HDAC9: variants seen among roughly 807,000 people sequenced by gnomAD.
HDAC9 encodes the protein MEF-2 interacting transcription repressor (MITR) protein.
HDAC9 carries 41 observed loss-of-function variants against 139.4 expected under a neutral mutation model. That is an observed-to-expected ratio of 0.29 (90% confidence interval 0.23 to 0.38). The LOEUF (loss-of-function observed/expected upper bound fraction) is 0.38. HDAC9 is among the 10% of genes least tolerant of loss of function. HDAC9 has a pLI of 1.00. For synonymous variants in HDAC9, 517 were observed against 476.2 expected (o/e 1.09, Z -1.12); for missense variants, 1,147 against 1,297.0 (o/e 0.88, Z 1.78).
intron 2 of HDAC9, chr7:18,509,351 T>A (rs1225302405): frequency 1.0e-6 from 1 of 985,330 alleles, no homozygotes; most frequent in African/African-American, 1.7e-5. Flanking sequence ...GGGAAGACTG[T>A]CAGCTACGAT....
At chr7:18,719,253 C>G (rs1392712907) in intron 12 of HDAC9, among the ~76,000 whole-genome samples, 1 of 151,088 alleles carries the variant, frequency 6.6e-6, no homozygotes, top group Non-Finnish European at 1.5e-5. Context: ...GTTACCTTTC[C>G]ACTTACTTTA....
At chr7:18,355,482 G>T (rs1477339362) in intron 1 of HDAC9, among the ~76,000 whole-genome samples, 1 of 152,108 alleles carries the variant, frequency 6.6e-6, no homozygotes, top group African/African-American at 2.4e-5. Flanking sequence ...TTAAAAATGG[G>T]TTGCTCATAA....
intron 1 of HDAC9, among the ~76,000 whole-genome samples, chr7:18,372,589 A>G (rs1391085230): frequency 6.6e-6 from 1 of 152,204 alleles, no homozygotes; most frequent in African/African-American, 2.4e-5. Flanking sequence ...AAATATGTTG[A>G]TAGAAGAGTA....
chr7:18,355,697 A>G (rs1783204455), intron 1 of HDAC9, among the ~76,000 whole-genome samples: 2 of 152,188 alleles, frequency 1.3e-5, no homozygotes, highest in Non-Finnish European at 2.9e-5. Context: ...AGGCATTTAC[A>G]GGTACTTTTC....
intron 1 of HDAC9, among the ~76,000 whole-genome samples, chr7:18,391,414 A>G (rs949109245): frequency 5.3e-5 from 8 of 151,928 alleles, no homozygotes; most frequent in Non-Finnish European, 1.2e-4. Context: ...AGTAAAAAAG[A>G]AGAGAGAACA....
chr7:18,809,175 A>G (rs1324524690), intron 17 of HDAC9, among the ~76,000 whole-genome samples: 2 of 152,088 alleles, frequency 1.3e-5, no homozygotes, highest in Admixed American at 6.5e-5. Context: ...TTAATACTAT[A>G]GACCAAATTT....
intron 21 of HDAC9, among the ~76,000 whole-genome samples, 174 bp downstream of exon 21, chr7:18,836,171 G>A (rs1484138927): frequency 6.6e-6 from 1 of 152,122 alleles, no homozygotes; most frequent in African/African-American, 2.4e-5. Context: ...TGATTATACA[G>A]GTATATTGGC....
At chr7:18,298,445 C>G (rs182832662) in intron 1 of HDAC9, among the ~76,000 whole-genome samples, 1 of 152,218 alleles carries the variant, frequency 6.6e-6, no homozygotes, top group African/African-American at 2.4e-5. Context: ...GCTCCCCACC[C>G]CACCACAGTC....
chr7:18,175,287 G>T (rs901785106), intron 2 of HDAC9, among the ~76,000 whole-genome samples: 1 of 152,214 alleles, frequency 6.6e-6, no homozygotes, highest in Non-Finnish European at 1.5e-5. Context: ...TAATCTTTTG[G>T]TGTGCCATTT....
At chr7:18,934,049 A>G (rs564984345) in intron 22 of HDAC9, among the ~76,000 whole-genome samples, 1 of 152,172 alleles carries the variant, frequency 6.6e-6, no homozygotes, top group South Asian at 2.1e-4. Flanking sequence ...ACCTACATCT[A>G]TGTGGAACTT....
At chr7:18,784,970 TG>T (rs1562939463) in intron 16 of HDAC9, among the ~76,000 whole-genome samples, 1,858 of 134,560 alleles carry the variant, frequency 0.014, 17 homozygotes, top group South Asian at 0.035. Context: ...TGTGTGTGTG[TG>T]TGTCTGTGTG....
At chr7:18,205,674 A>G (rs915369659) in intron 2 of HDAC9, among the ~76,000 whole-genome samples, 3 of 152,110 alleles carry the variant, frequency 2.0e-5, no homozygotes, top group Non-Finnish European at 2.9e-5. Context: ...TTAAAATCCT[A>G]TAATCTTCTC....
In HDAC9 at chr7:18,647,974, C is replaced by G; in HGVS notation, c.1225C>G (p.Arg409Gly). The G allele has an allele frequency of 6.2e-7, 1 of 1,610,432 alleles. No individual in the cohort carries two copies. The highest frequency in any genetic ancestry group is 8.5e-7 in the Non-Finnish European group (1 of 1,178,258). ...LQHLLLKEQM[R>G]QQKLLVAGGV... ...GCATTTATTATTGAAAGAACAAATG[C>G]GACAGCAAAAGCTTCTTGTAGCTGG... The change falls in exon 10 of 26, where the codon CGA becomes GGA. Residue 409 changes from arginine (R) to glycine (G), a missense_variant. This residue lies in a region of HDAC9 where 264 missense variants were observed against 273.8 expected (regional missense o/e 0.96). Coordinates refer to ENST00000686413, the MANE Select transcript of HDAC9 (RefSeq NM_178425.4).
intron 2 of HDAC9, among the ~76,000 whole-genome samples, chr7:18,563,646 C>T (rs1821304990): frequency 6.6e-6 from 1 of 152,062 alleles, no homozygotes. Flanking sequence ...GTTATCTATT[C>T]AAATCATCAG....
intron 24 of HDAC9, among the ~76,000 whole-genome samples, chr7:18,961,371 G>A (rs963732272): frequency 6.6e-6 from 1 of 152,142 alleles, no homozygotes; most frequent in Non-Finnish European, 1.5e-5. Context: ...GACAGGGAGA[G>A]GATTAATAAT....
chr7:18,881,622 T>C lies in HDAC9; in HGVS notation c.2803+7026T>C, dbSNP rs78029123. ...TCCTAAGTGTCTAATTTTTTCCACA[T>C]TATCAAAATCTATAAAGAACCTAAT... On this transcript the variant is annotated intron_variant, in intron 22 of 25. Coordinates refer to ENST00000686413, the MANE Select transcript of HDAC9 (RefSeq NM_178425.4). Among the ~76,000 whole-genome samples the C allele has an allele frequency of 6.2e-4, 95 of 152,248 alleles. 1 individual carries two copies. The East Asian group carries it at 0.018, about 28-fold the overall frequency.
At chr7:18,783,167 T>C (rs1381444807) in intron 16 of HDAC9, among the ~76,000 whole-genome samples, 1 of 152,122 alleles carries the variant, frequency 6.6e-6, no homozygotes, top group African/African-American at 2.4e-5. Flanking sequence ...TCTCTCTTGG[T>C]ACAATTTATG....
intron 1 of HDAC9, among the ~76,000 whole-genome samples, chr7:18,344,083 T>TG (rs1216520470): frequency 1.3e-5 from 2 of 151,806 alleles, no homozygotes; most frequent in African/African-American, 4.8e-5. Flanking sequence ...GTAATTGTCT[T>TG]GGGGGAGTGG....
intron 2 of HDAC9, among the ~76,000 whole-genome samples, chr7:18,184,335 G>C (rs1789737758): frequency 6.6e-6 from 1 of 152,162 alleles, no homozygotes; most frequent in Non-Finnish European, 1.5e-5. Context: ...AGGAGGGTGA[G>C]GTTGCGGTGA....
Sources: gnomAD v4.1 joint callset for allele counts (sites outside exome capture counted in the v4.1 genomes callset) on GRCh38, gnomAD v4.1.1 for gene constraint, gnomAD v4.1.1 regional missense constraint, MANE v1.5 for transcripts, NCBI Gene and HGNC (gene_info 2026-07-23, HGNC 2026-07-21) for gene names.